Variants in WDR70 observed in about 807,000 individuals in gnomAD.
WDR70 encodes WD repeat domain 70.
A neutral mutation model predicts 88.6 loss-of-function variants in WDR70; 53 were observed. The ratio of observed to expected loss-of-function variants is 0.60; its 90% CI spans 0.48 to 0.75. The LOEUF (loss-of-function observed/expected upper bound fraction) is 0.75, where lower values mean the gene tolerates loss of function less well. WDR70 is among the 30% of genes least tolerant of loss of function. WDR70 has a pLI of 0.00. For missense variants in WDR70, 610 were observed against 823.2 expected, an observed-to-expected ratio of 0.74 and a Z score of 3.17; for synonymous variants, 280 against 270.0, an observed-to-expected ratio of 1.04 and a Z score of -0.36.
chr5:37,590,086 C>T (rs942340335), intron 9 of WDR70, among the ~76,000 whole-genome samples: 1 of 152,074 alleles, frequency 6.6e-6, no homozygotes, highest in African/African-American at 2.4e-5. Flanking sequence ...GCTGAAGTTT[C>T]CTTCAGAAAT....
Position 37,575,981 on chromosome 5 carries a change from A to AAC in WDR70, c.918-29075_918-29074dup, listed in dbSNP as rs370824966. Among the ~76,000 whole-genome samples, 340 of 152,182 alleles carry AAC rather than the reference A, an allele frequency of 2.2e-3. 1 individual carries two copies. The highest frequency in any genetic ancestry group is 3.4e-3 in the Middle Eastern group (1 of 294). ...GGATAATTTATTGTTGGTATGGAAAAACACACACATTTTGTGTCAGAAGTA... is the reference window on the plus strand; with the variant it reads ...GGATAATTTATTGTTGGTATGGAAAAACACACACACATTTTGTGTCAGAAGTA... On this transcript the variant is annotated intron_variant, in intron 9 of 17. Transcript: ENST00000265107.
At chr5:37,625,612 A>C (rs1010550319) in intron 10 of WDR70, among the ~76,000 whole-genome samples, 2 of 151,374 alleles carry the variant, frequency 1.3e-5, no homozygotes, top group African/African-American at 2.4e-5. Flanking sequence ...ACAACCTCCA[A>C]CTCCCGGGTT....
chr5:37,418,621 C>T (rs758491458), intron 5 of WDR70, among the ~76,000 whole-genome samples: 77 of 152,140 alleles, frequency 5.1e-4, no homozygotes, highest in Non-Finnish European at 8.2e-4. Flanking sequence ...TATCATTTAT[C>T]ATTTCTTATA....
chr5:37,699,974 AC>A (rs1208453129), intron 11 of WDR70, among the ~76,000 whole-genome samples: 1 of 136,158 alleles, frequency 7.3e-6, no homozygotes, highest in East Asian at 2.3e-4. Context: ...AAAAACAAAA[AC>A]AAAAAAAAAA....
intron 9 of WDR70, among the ~76,000 whole-genome samples, chr5:37,574,879 C>T (rs1318808097): frequency 1.3e-5 from 2 of 152,320 alleles, no homozygotes; most frequent in Middle Eastern, 3.4e-3. Context: ...TGTTGTACAT[C>T]TAAAATATAA....
chr5:37,449,235 T>A (rs757854303), intron 7 of WDR70, among the ~76,000 whole-genome samples: 6 of 152,214 alleles, frequency 3.9e-5, no homozygotes, highest in Non-Finnish European at 8.8e-5. Flanking sequence ...GTTTGGTCTT[T>A]TGTCGCTTTG....
chr5:37,446,152 C>A (rs6862115), intron 7 of WDR70, among the ~76,000 whole-genome samples: 131,842 of 152,112 alleles, frequency 0.87, 60,202 homozygotes, highest in East Asian at 1. Context: ...ATAACAGACA[C>A]ACAGAGAACC....
intron 9 of WDR70, among the ~76,000 whole-genome samples, chr5:37,539,907 G>A (rs905162612): frequency 6.6e-6 from 1 of 152,106 alleles, no homozygotes; most frequent in Admixed American, 6.6e-5. Flanking sequence ...GTCTTTTAGC[G>A]ATCACATTAA....
chr5:37,396,484 G>A lies in WDR70; in HGVS notation c.406G>A (p.Glu136Lys), dbSNP rs756312345. ...AGGAAAACCAGTTAATTTTATGGAG[G>A]AAGATATCCTCGGTCCTTTACCTCC... is the stretch of plus-strand genomic sequence containing the variant. Reference protein sequence around the residue: ...MVGKPVNFMEEDILGPLPPPL... With the variant: ...MVGKPVNFMEKDILGPLPPPL... The change falls in exon 5 of 18, where the codon GAA (glutamate) becomes AAA (lysine). Residue 136 changes from glutamate to lysine, a missense_variant. Glu to Lys is a moderately conservative substitution (Grantham distance 56). Transcript: ENST00000265107. 1 of 1,614,016 alleles carries A rather than the reference G, an allele frequency of 6.2e-7. No homozygotes were observed. Among genetic ancestry groups the A allele is most frequent in the South Asian group, 1.1e-5 (1 of 91,074 alleles).
chr5:37,622,913 A>G (rs575479431), intron 10 of WDR70, among the ~76,000 whole-genome samples: 6 of 152,214 alleles, frequency 3.9e-5, no homozygotes, highest in African/African-American at 1.4e-4. Context: ...AAACATTCTA[A>G]CCTGTCAAAA....
chr5:37,557,924 A>AAGTGTACTCTTTTGAATACTCTTCAAC (rs1742344488), intron 9 of WDR70, among the ~76,000 whole-genome samples: 1 of 135,544 alleles, frequency 7.4e-6, no homozygotes, highest in Non-Finnish European at 1.7e-5. Flanking sequence ...AACTCTTCAA[A>AAGTGTACTCTTTTGAATACTCTTCAAC]AGAGTACTCT....
chr5:37,430,804 AC>A (rs1750278767), intron 5 of WDR70, among the ~76,000 whole-genome samples: 1 of 151,726 alleles, frequency 6.6e-6, no homozygotes, highest in Non-Finnish European at 1.5e-5. Context: ...CAAGTGATCC[AC>A]CTGCCTCGGC....
Position 37,513,604 on chromosome 5 carries a change from A to C in WDR70, c.841-2910A>C, listed in dbSNP as rs182367702. 3.0e-4 allele frequency among the ~76,000 whole-genome samples: 46 copies of C among 152,328 alleles called. 1 individual carries two copies. In the Middle Eastern group the frequency reaches 0.014, roughly 45 times the overall value. Reference sequence around the variant, plus strand: ...TGATCAAGTATTAACTCACATGATCACAAGGTCCCACAATAGGCTGTATGC... The same window carrying C: ...TGATCAAGTATTAACTCACATGATCCCAAGGTCCCACAATAGGCTGTATGC... On this transcript the variant is annotated intron_variant, in intron 8 of 17. Coordinates refer to ENST00000265107, the MANE Select transcript of WDR70 (RefSeq NM_018034.4).
chr5:37,661,563 C>T (rs759121379), intron 10 of WDR70, among the ~76,000 whole-genome samples: 6 of 152,140 alleles, frequency 3.9e-5, no homozygotes, highest in Non-Finnish European at 8.8e-5. Context: ...TTTATTATTA[C>T]TCAAATTAGT....
intron 9 of WDR70, among the ~76,000 whole-genome samples, chr5:37,526,838 T>C (rs1400272270): frequency 1.3e-5 from 2 of 151,862 alleles, no homozygotes; most frequent in African/African-American, 4.8e-5. Flanking sequence ...TATACAGCAA[T>C]AACAGACAGA....
At chr5:37,721,048 G>T (rs1747796181) in intron 13 of WDR70, 67 bp from the exon 14 acceptor site, 5 of 1,366,504 alleles carry the variant, frequency 3.7e-6, no homozygotes, top group Admixed American at 3.4e-5. Context: ...AGCCATCAAA[G>T]TACCAGCAGG....
At chr5:37,498,274 C>T (rs1489641331) in intron 8 of WDR70, among the ~76,000 whole-genome samples, 1 of 152,218 alleles carries the variant, frequency 6.6e-6, no homozygotes, top group East Asian at 1.9e-4. Context: ...ATTACAGTCA[C>T]TTCCTTGAAA....
At chr5:37,557,929 T>TACTCTTTTGAAAACTCTTCAAAAGAGA (rs1742345245) in intron 9 of WDR70, among the ~76,000 whole-genome samples, 1 of 151,788 alleles carries the variant, frequency 6.6e-6, no homozygotes, top group Non-Finnish European at 1.5e-5. Flanking sequence ...TTCAAAAGAG[T>TACTCTTTTGAAAACTCTTCAAAAGAGA]ACTCTTTTGA....
intron 14 of WDR70, 164 bp downstream of exon 14, chr5:37,721,379 A>C (rs1469512105): frequency 1.6e-6 from 1 of 635,072 alleles, no homozygotes; most frequent in East Asian, 2.8e-5. Context: ...ATTGTGCTTT[A>C]AAAAGGATTT....
Sources: allele counts gnomAD v4.1 joint callset (sites outside exome capture counted in the v4.1 genomes callset), GRCh38; gene constraint gnomAD v4.1.1; transcripts MANE v1.5; gene names NCBI Gene and HGNC (gene_info 2026-07-23, HGNC 2026-07-21).